The following STAT3 variants were observed in gnomAD, a reference collection of about 807,000 sequenced individuals.
STAT3 encodes signal transducer and activator of transcription 3, also known as DNA-binding protein APRF.
Under a neutral mutation model 114.3 loss-of-function variants are expected in STAT3, and 7 were observed. The observed-to-expected ratio is 0.06, with a 90% CI of 0.03 to 0.11. The LOEUF (loss-of-function observed/expected upper bound fraction) is 0.11, where lower values mean the gene tolerates loss of function less well. Among genes scored for constraint, STAT3 ranks in the 10% least tolerant of loss-of-function variants. The pLI, the probability that STAT3 is intolerant of heterozygous loss-of-function variation, is 1.00. For missense variants in STAT3, 364 were observed against 960.9 expected (o/e 0.38, Z 8.21); for synonymous variants, 331 against 354.5 (o/e 0.93, Z 0.74).
intron 1 of STAT3, among the ~76,000 whole-genome samples, chr17:42,377,753 C>A (rs779380568): frequency 6.6e-6 from 1 of 152,146 alleles, no homozygotes; most frequent in Non-Finnish European, 1.5e-5. Flanking sequence ...TACTACAAAT[C>A]TGTGGTTAAG....
Position 42,333,656 on chromosome 17 carries a change from G to A in STAT3, c.1049+17C>T, listed in dbSNP as rs756159034. 1 of 1,613,720 alleles carries A rather than the reference G, an allele frequency of 6.2e-7. No individual in the cohort carries two copies. The highest frequency in any genetic ancestry group is 8.5e-7 in the Non-Finnish European group (1 of 1,179,756). ...CTCAGTAAAATCTCTACTGGAAATG[G>A]AAGTGGCATGGCCTACCTGACTTTA... On this transcript the variant is annotated intron_variant, in intron 10 of 23. Coordinates refer to ENST00000264657, the MANE Select transcript of STAT3 (RefSeq NM_139276.3). The surrounding 1 kb of genome is among the most constrained non-coding windows in gnomAD (Gnocchi z 5.2).
At chr17:42,366,076 C>A (rs2083772681) in intron 1 of STAT3, among the ~76,000 whole-genome samples, 1 of 152,152 alleles carries the variant, frequency 6.6e-6, no homozygotes, top group Admixed American at 6.6e-5. Flanking sequence ...GTCTCTAGCC[C>A]CATCCGCTAA....
At chr17:42,345,785 G>A (rs17884756) in intron 3 of STAT3, 128 bp from the exon 4 acceptor site, 4 of 950,394 alleles carry the variant, frequency 4.2e-6, no homozygotes, top group Admixed American at 4.0e-5. Flanking sequence ...CGGAACAAAG[G>A]CTTCAGAGCC....
Position 42,333,357 on chromosome 17 carries a change from G to A in STAT3, c.1049+316C>T, listed in dbSNP as rs765736243. The stretch of plus-strand genomic sequence containing the variant: ...TACTCTTTCCCTTAAAATCCACAGG[G>A]AAGAGTAGCCTCAAAGAACAGAAAA... On this transcript the variant is annotated intron_variant, in intron 10 of 23. Coordinates refer to ENST00000264657, the MANE Select transcript of STAT3 (RefSeq NM_139276.3). The surrounding 1 kb of genome is among the most constrained non-coding windows in gnomAD (Gnocchi z 5.2). 6.6e-6 allele frequency among the ~76,000 whole-genome samples: 1 copy of A among 152,062 alleles called. No individual in the cohort carries two copies. The highest frequency in any genetic ancestry group is 1.5e-5 in the Non-Finnish European group (1 of 68,012).
chr17:42,384,883 T>C (rs1170013363), intron 1 of STAT3, among the ~76,000 whole-genome samples: 1 of 152,178 alleles, frequency 6.6e-6, no homozygotes, highest in Non-Finnish European at 1.5e-5. Context: ...ACCCATTATT[T>C]GGGACCCAGT....
At chr17:42,325,519 T>C (rs1318627784) in intron 15 of STAT3, among the ~76,000 whole-genome samples, 1 of 152,062 alleles carries the variant, frequency 6.6e-6, no homozygotes, top group Non-Finnish European at 1.5e-5. Flanking sequence ...CTAAACACAC[T>C]GGCTGCTAAG....
intron 1 of STAT3, among the ~76,000 whole-genome samples, chr17:42,362,926 T>A (rs1221471811): frequency 6.6e-6 from 1 of 152,166 alleles, no homozygotes; most frequent in East Asian, 1.9e-4. Context: ...CATGCCTTCC[T>A]TCTATCACCA....
chr17:42,368,259 T>C (rs556286380), intron 1 of STAT3, among the ~76,000 whole-genome samples: 9 of 152,336 alleles, frequency 5.9e-5, no homozygotes, highest in Admixed American at 1.3e-4. Flanking sequence ...TGTTACAGAA[T>C]TGTTTTTCTT....
intron 1 of STAT3, among the ~76,000 whole-genome samples, chr17:42,377,638 C>T (rs2084541647): frequency 6.6e-6 from 1 of 152,138 alleles, no homozygotes; most frequent in Non-Finnish European, 1.5e-5. Flanking sequence ...TTTCCACTTA[C>T]TACATATCTT....
intron 6 of STAT3, 107 bp downstream of exon 6, chr17:42,338,624 C>T (rs542598615): frequency 1.3e-5 from 14 of 1,082,334 alleles, no homozygotes; most frequent in African/African-American, 9.2e-5. Context: ...ACCTCCCTTG[C>T]GCCCCGCCCG....
At chr17:42,327,832 G>A (rs2081798688) in intron 14 of STAT3, among the ~76,000 whole-genome samples, 1 of 152,102 alleles carries the variant, frequency 6.6e-6, no homozygotes. Flanking sequence ...TGGATCACGA[G>A]GTCAGGAGTT....
intron 21 of STAT3, 141 bp from the exon 22 acceptor site, chr17:42,317,365 C>T (rs1013240986): frequency 4.1e-6 from 4 of 976,250 alleles, no homozygotes; most frequent in African/African-American, 1.6e-5. Context: ...GCTCCATCTG[C>T]CCCTCAGGGT....
chr17:42,365,273 C>T (rs1172949361), intron 1 of STAT3, among the ~76,000 whole-genome samples: 1 of 152,178 alleles, frequency 6.6e-6, no homozygotes, highest in African/African-American at 2.4e-5. Context: ...CAAGTAGGCA[C>T]GTGGTCTACA....
In STAT3 at chr17:42,316,596, C is replaced by T. The variant is rs754193509; in HGVS notation, c.2257+193G>A. ...TAAAATATATTGTAAAAATTAAGTT[C>T]GTCTATTTCCAGTGTGGCTGCTAGA... On this transcript the variant is annotated intron_variant, in intron 23 of 23. Transcript: ENST00000264657. 11 of 1,407,758 alleles carry T rather than the reference C, an allele frequency of 7.8e-6. No homozygotes were observed. The East Asian group carries it at 1.0e-4, about 13-fold the overall frequency. The allele number at this position is 1,407,758 out of a possible 1,614,324, so 87.2% of individuals were successfully genotyped here.
At chr17:42,358,966 A>C (rs2083374569) in intron 1 of STAT3, among the ~76,000 whole-genome samples, 1 of 90,012 alleles carries the variant, frequency 1.1e-5, no homozygotes, top group African/African-American at 4.3e-5. Context: ...ATGTAGTCTC[A>C]CTCTGTTGCC....
intron 1 of STAT3, among the ~76,000 whole-genome samples, chr17:42,356,523 G>A (rs3883338): frequency 0.41 from 59,831 of 144,896 alleles, 13,389 homozygotes; most frequent in African/African-American, 0.6. Context: ...TTGTGTGTGT[G>A]TATATATATA....
chr17:42,334,596 C>G (rs1380829440), intron 8 of STAT3, among the ~76,000 whole-genome samples: 3 of 152,056 alleles, frequency 2.0e-5, no homozygotes, highest in Admixed American at 1.3e-4. Flanking sequence ...AGGCACCCAC[C>G]ACCACTCCCG....
intron 1 of STAT3, among the ~76,000 whole-genome samples, chr17:42,363,615 C>CTT (rs78016340): frequency 2.9e-5 from 4 of 136,088 alleles, no homozygotes; most frequent in South Asian, 2.4e-4. Flanking sequence ...GGATAATTTT[C>CTT]TTTTTTTTTT....
intron 2 of STAT3, among the ~76,000 whole-genome samples, chr17:42,347,184 CAAA>C (rs754388828): frequency 4.0e-5 from 3 of 75,520 alleles, no homozygotes; most frequent in Admixed American, 1.6e-4. Context: ...GACTCCATCT[CAAA>C]AAAAAAAAAA....
Sources: allele counts gnomAD v4.1 joint callset (sites outside exome capture counted in the v4.1 genomes callset), GRCh38; gene constraint gnomAD v4.1.1; non-coding constraint Gnocchi (gnomAD v3.1); transcripts MANE v1.5; gene names NCBI Gene and HGNC (gene_info 2026-07-23, HGNC 2026-07-21).